The following RIMBP2 variants were observed in gnomAD, a reference collection of about 807,000 sequenced individuals.
The protein encoded by RIMBP2 is RIMS binding protein 2.
In RIMBP2, 48 loss-of-function variants were observed where a neutral mutation model predicts 118.6. That is an observed-to-expected ratio of 0.40 (90% CI 0.32 to 0.51). RIMBP2 has a LOEUF of 0.51. RIMBP2 is among the 20% of genes least tolerant of loss of function. The pLI, the probability that RIMBP2 is intolerant of heterozygous loss-of-function variation, is 0.41. For synonymous variants in RIMBP2, 762 were observed against 742.9 expected (o/e 1.03, Z -0.42); for missense variants, 1,551 against 1,768.3 (o/e 0.88, Z 2.20).
chr12:130,450,590 C>T lies in RIMBP2; in HGVS notation c.505-314G>A, dbSNP rs1046718009. On this transcript the variant is annotated intron_variant, in intron 8 of 22. Coordinates refer to ENST00000690449, the MANE Select transcript of RIMBP2 (RefSeq NM_001393629.1). This position sits in a 1 kb window ranked among gnomAD's most constrained non-coding sequence, Gnocchi z 4.8. ...GCAATCCCGGGAGTCAGCGGCGTGG[C>T]CTTTTCTCATAGGGGTGGGGGTAAA... Among the ~76,000 whole-genome samples the T allele has an allele frequency of 2.0e-5, 3 of 151,960 alleles. No individual in the cohort carries two copies. The highest frequency in any genetic ancestry group is 2.9e-5 in the Non-Finnish European group (2 of 67,978).
rs1286661920 is a variant in RIMBP2 at position 130,456,567 on chromosome 12, AG to A, written c.286del (p.Leu96TrpfsTer15). 2 of 1,613,182 alleles carry A rather than the reference AG, an allele frequency of 1.2e-6. No individual in the cohort carries two copies. Among genetic ancestry groups the A allele is most frequent in the Non-Finnish European group, 1.7e-6 (2 of 1,179,478 alleles). On this transcript the variant is annotated frameshift_variant, in exon 7 of 23. Transcript: ENST00000690449. LOFTEE classifies it high-confidence loss of function. ...CTTGCTGGGGGCCGTGGAGATGTCC[AG>A]GGGGGCCACCGCGCTGCCACCCAGC... The part of the protein sequence containing the change: ...DLLGGSAVAP[L>X]DISTAPSKPF...
At chr12:130,695,112 C>T (rs1324443958) in intron 1 of RIMBP2, among the ~76,000 whole-genome samples, 1 of 152,224 alleles carries the variant, frequency 6.6e-6, no homozygotes, top group Non-Finnish European at 1.5e-5. Flanking sequence ...AGCATTTCAT[C>T]TCCACTTAGT....
intron 1 of RIMBP2, among the ~76,000 whole-genome samples, chr12:130,711,433 G>A (rs1275290280): frequency 6.6e-6 from 1 of 152,146 alleles, no homozygotes; most frequent in Non-Finnish European, 1.5e-5. Flanking sequence ...ATGAGAGTTT[G>A]GCCAGCACAT....
intron 6 of RIMBP2, among the ~76,000 whole-genome samples, chr12:130,464,310 T>C (rs1450142566): frequency 6.6e-6 from 1 of 152,222 alleles, no homozygotes; most frequent in African/African-American, 2.4e-5. Flanking sequence ...CCGGTAACAT[T>C]AGGAAAATTT....
At chr12:130,591,581 G>A (rs1309440163) in intron 2 of RIMBP2, among the ~76,000 whole-genome samples, 1 of 152,148 alleles carries the variant, frequency 6.6e-6, no homozygotes, top group Admixed American at 6.5e-5. Context: ...CTCCGGGGAG[G>A]GGCGGGGGGG....
chr12:130,562,886 T>A (rs2139921391), intron 2 of RIMBP2, among the ~76,000 whole-genome samples: 1 of 152,304 alleles, frequency 6.6e-6, no homozygotes, highest in African/African-American at 2.4e-5. Context: ...TGAAGGGAAT[T>A]TGAAAGGCAG....
In RIMBP2 at chr12:130,442,953, G is replaced by A. The variant is rs1017312921; in HGVS notation, c.692-293C>T. Among the ~76,000 whole-genome samples, 8 of 152,032 alleles carry A rather than the reference G, an allele frequency of 5.3e-5. No individual in the cohort carries two copies. Among genetic ancestry groups the A allele is most frequent in the South Asian group, 2.1e-4 (1 of 4,804 alleles). ...TACACTGACTACCCCCTCCCAACAC[G>A]AACAACACTCAGGGACAGCAGGGAC... On this transcript the variant is annotated intron_variant, in intron 10 of 22. Coordinates refer to ENST00000690449, the MANE Select transcript of RIMBP2 (RefSeq NM_001393629.1). This position sits in a 1 kb window ranked among gnomAD's most constrained non-coding sequence, Gnocchi z 6.9.
rs1395007184 is a variant in RIMBP2, at chr12:130,424,884, G to A, written c.2413-26C>T. On this transcript the variant is annotated intron_variant, in intron 15 of 22. Coordinates refer to ENST00000690449, the MANE Select transcript of RIMBP2 (RefSeq NM_001393629.1). This position sits in a 1 kb window ranked among gnomAD's most constrained non-coding sequence, Gnocchi z 9.8. ...CTTACGGGGTGGTGTGTCAAGAACA[G>A]GCGCGGGAAAGAGTGTGTGGTCAGC... 1.5e-5 allele frequency: 18 copies of A among 1,212,530 alleles called. No individual in the cohort carries two copies. Among genetic ancestry groups the A allele is most frequent in the Admixed American group, 1.3e-4 (3 of 23,690 alleles). 75.1% of individuals were successfully genotyped at this position (1,212,530 alleles called of 1,614,324 possible).
intron 1 of RIMBP2, among the ~76,000 whole-genome samples, chr12:130,662,236 A>C (rs901694): frequency 0.54 from 82,185 of 151,840 alleles, 22,843 homozygotes; most frequent in Non-Finnish European, 0.62. Flanking sequence ...GTCTGGGGCA[A>C]TTCTCGCCAA....
chr12:130,672,746 A>T (rs2136461538), intron 1 of RIMBP2, among the ~76,000 whole-genome samples: 1 of 152,314 alleles, frequency 6.6e-6, no homozygotes, highest in South Asian at 2.1e-4. Context: ...TCAGAAACAG[A>T]ATGGGTGTCG....
chr12:130,689,091 C>T (rs1344040111), intron 1 of RIMBP2, among the ~76,000 whole-genome samples: 1 of 152,324 alleles, frequency 6.6e-6, no homozygotes, highest in Non-Finnish European at 1.5e-5. Context: ...GATAAATCCT[C>T]GAGACCAATT....
At chr12:130,551,827 G>A (rs199751594) in intron 2 of RIMBP2, among the ~76,000 whole-genome samples, 1 of 152,178 alleles carries the variant, frequency 6.6e-6, no homozygotes, top group East Asian at 1.9e-4. Context: ...TTTCCACAAA[G>A]GGGCCTTCCA....
chr12:130,507,838 C>T (rs2050513122), intron 3 of RIMBP2, among the ~76,000 whole-genome samples: 1 of 152,172 alleles, frequency 6.6e-6, no homozygotes, highest in African/African-American at 2.4e-5. Context: ...CATAATGTCA[C>T]GCTTTTCAGC....
intron 4 of RIMBP2, among the ~76,000 whole-genome samples, chr12:130,482,432 G>C (rs568762852): frequency 1.3e-5 from 2 of 152,266 alleles, no homozygotes; most frequent in Admixed American, 6.5e-5. Flanking sequence ...AACGAGAAGG[G>C]CCCGAGTGTG....
intron 1 of RIMBP2, among the ~76,000 whole-genome samples, chr12:130,682,211 T>A (rs1287703532): frequency 6.6e-6 from 1 of 151,958 alleles, no homozygotes; most frequent in Non-Finnish European, 1.5e-5. Context: ...CGCCCTCCCT[T>A]CCCCCACTGC....
intron 1 of RIMBP2, chr12:130,668,091 A>C (rs2064030147): frequency 6.6e-6 from 1 of 152,204 alleles, no homozygotes; most frequent in African/African-American, 2.4e-5. Context: ...GCAATCCCTG[A>C]AACCACCTCC....
chr12:130,583,192 T>C (rs774168720), intron 2 of RIMBP2, among the ~76,000 whole-genome samples: 12 of 152,134 alleles, frequency 7.9e-5, no homozygotes, highest in Admixed American at 2.0e-4. Context: ...CAACACTCTA[T>C]GTTGTGTGGC....
intron 22 of RIMBP2, chr12:130,399,239 T>C: frequency 1.2e-6 from 1 of 827,656 alleles, no homozygotes. Flanking sequence ...AGTGATGAAA[T>C]AAAATAAAAA....
At chr12:130,661,662 G>GCCCA (rs1354217389) in intron 1 of RIMBP2, among the ~76,000 whole-genome samples, 1 of 152,214 alleles carries the variant, frequency 6.6e-6, no homozygotes, top group African/African-American at 2.4e-5. Flanking sequence ...CCCTATCAGT[G>GCCCA]CCCAGCCTCT....
Sources: gnomAD v4.1 joint callset for allele counts (sites outside exome capture counted in the v4.1 genomes callset) on GRCh38, gnomAD v4.1.1 for gene constraint, Gnocchi (gnomAD v3.1) non-coding constraint, MANE v1.5 for transcripts, NCBI Gene and HGNC (gene_info 2026-07-23, HGNC 2026-07-21) for gene names.